The following PRKDC variants were observed in gnomAD, a reference collection of about 807,000 sequenced individuals.
The protein encoded by PRKDC is DNA-dependent protein kinase catalytic subunit.
A neutral mutation model predicts 486.9 loss-of-function variants in PRKDC; 82 were observed. The observed-to-expected ratio is 0.17, with a 90% CI of 0.14 to 0.20. The LOEUF (loss-of-function observed/expected upper bound fraction) is 0.20. Among genes scored for constraint, PRKDC ranks in the 10% least tolerant of loss-of-function variants. PRKDC has a pLI of 1.00. For synonymous variants in PRKDC, 1,895 were observed against 1,837.0 expected (o/e 1.03, Z -0.81); for missense variants, 4,504 against 5,038.2 (o/e 0.89, Z 3.21).
chr8:47,904,835 G>A (rs1459391921), intron 26 of PRKDC, 34 bp downstream of exon 26: 2 of 1,363,168 alleles, frequency 1.5e-6, no homozygotes, highest in Middle Eastern at 1.8e-4. Context: ...ACTAATCGAT[G>A]GGAGTAAGAG....
At chr8:47,810,323 T>A (rs960910219) in intron 68 of PRKDC, among the ~76,000 whole-genome samples, 1 of 152,278 alleles carries the variant, frequency 6.6e-6, no homozygotes, top group South Asian at 2.1e-4. Flanking sequence ...TATTATAGTA[T>A]ACTGTTTGAA....
At chr8:47,930,112 G>T in intron 17 of PRKDC, 100 bp from the exon 18 acceptor site, 1 of 1,028,988 alleles carries the variant, frequency 9.7e-7, no homozygotes, top group Non-Finnish European at 1.4e-6. Context: ...AACCCATCAC[G>T]TAACATTTTG....
intron 68 of PRKDC, among the ~76,000 whole-genome samples, chr8:47,814,093 C>T (rs1450462622): frequency 6.6e-6 from 1 of 152,118 alleles, no homozygotes; most frequent in African/African-American, 2.4e-5. Flanking sequence ...AGCATCAAAG[C>T]TAATACTTCA....
intron 31 of PRKDC, 38 bp downstream of exon 31, chr8:47,893,101 A>G: frequency 6.6e-7 from 1 of 1,517,956 alleles, no homozygotes; most frequent in East Asian, 2.4e-5. Context: ...TGACTCTGGC[A>G]GCACGACACA....
intron 10 of PRKDC, among the ~76,000 whole-genome samples, chr8:47,941,123 C>T (rs2090437551): frequency 6.8e-6 from 1 of 147,844 alleles, no homozygotes; most frequent in Non-Finnish European, 1.5e-5. Flanking sequence ...GAGCAAAACT[C>T]CATCTCAAAA....
rs2086842653 is a variant in PRKDC at position 47,789,153 on chromosome 8, T to C, written c.10756A>G (p.Lys3586Glu). Residue 3586 changes from lysine to glutamate, a missense_variant and splice_region_variant, in exon 75 of 86, where the codon AAG becomes GAG. Lys to Glu is a moderately conservative substitution (Grantham distance 56). Coordinates refer to ENST00000314191, the MANE Select transcript of PRKDC (RefSeq NM_006904.7). ...DQLSNPELLFKDWSNDVRAEL... is the reference protein window; with the variant it reads ...DQLSNPELLFEDWSNDVRAEL... ...GCCAGAAGCCGTTCTATCATTACCTTAAAGAGCAGTTCAGGATTAGAGAGC... is the reference window on the plus strand; with the variant it reads ...GCCAGAAGCCGTTCTATCATTACCTCAAAGAGCAGTTCAGGATTAGAGAGC... 1.9e-6 allele frequency: 3 copies of C among 1,613,098 alleles called. No individual in the cohort carries two copies. The highest frequency in any genetic ancestry group is 1.7e-5 in the Admixed American group (1 of 59,964).
intron 69 of PRKDC, among the ~76,000 whole-genome samples, chr8:47,805,340 G>A (rs1483463112): frequency 2.0e-5 from 3 of 152,160 alleles, no homozygotes; most frequent in Non-Finnish European, 2.9e-5. Context: ...GTGTGAAGCG[G>A]TCTCTCCTTG....
At position 47,852,743 on chromosome 8, in the gene PRKDC, T is replaced by C. The variant is rs1195060222; in HGVS notation, c.6935A>G (p.Tyr2312Cys). The C allele has an allele frequency of 1.9e-6, 3 of 1,578,818 alleles. No homozygotes were observed. Among genetic ancestry groups the C allele is most frequent in the Non-Finnish European group, 2.6e-6 (3 of 1,160,692 alleles). Reference sequence around the variant, plus strand: ...TGCTGCAGCGGCATACACTTCTTTATATCTTACAAAGGACATATTATTCAC... The same window carrying C: ...TGCTGCAGCGGCATACACTTCTTTACATCTTACAAAGGACATATTATTCAC... ...ALVNNMSFVR[Y>C]KEVYAAAAEV... Residue 2312 changes from tyrosine to cysteine, a missense_variant, in exon 52 of 86, where the codon TAT becomes TGT. Transcript: ENST00000314191.
At position 47,929,763 on chromosome 8, in the gene PRKDC, A is replaced by T; in HGVS notation, c.2052+90T>A. ...TAAAATTAGTAGACTTTAAAACTGC[A>T]TAGGCCACAATCACATATTTTATGA... On this transcript the variant is annotated intron_variant, in intron 18 of 85. Coordinates refer to ENST00000314191, the MANE Select transcript of PRKDC (RefSeq NM_006904.7). 3.0e-6 allele frequency: 4 copies of T among 1,324,660 alleles called. No individual in the cohort carries two copies. The South Asian group carries it at 6.4e-5, about 21-fold the overall frequency. The allele number at this position is 1,324,660 out of a possible 1,614,324, so 82.1% of individuals were successfully genotyped here. A position where few individuals can be genotyped will look rare whatever the true frequency, so the allele number is the denominator to read the frequency against.
At chr8:47,890,568 T>C in intron 31 of PRKDC, 88 bp from the exon 32 acceptor site, 1 of 998,148 alleles carries the variant, frequency 1.0e-6, no homozygotes, top group South Asian at 1.8e-5. Context: ...AGTATAGGCA[T>C]GGTATACGTT....
At chr8:47,831,616 G>A (rs1226148814) in intron 60 of PRKDC, among the ~76,000 whole-genome samples, 198 bp downstream of exon 60, 1 of 152,102 alleles carries the variant, frequency 6.6e-6, no homozygotes, top group African/African-American at 2.4e-5. Context: ...AGAACTGGGC[G>A]CACTCCTGGA....
intron 17 of PRKDC, 100 bp from the exon 18 acceptor site, chr8:47,930,112 G>A (rs1308336081): frequency 1.6e-5 from 16 of 1,028,872 alleles, no homozygotes; most frequent in Non-Finnish European, 2.0e-5. Flanking sequence ...AACCCATCAC[G>A]TAACATTTTG....
chr8:47,798,544 AC>A, intron 72 of PRKDC, 147 bp from the exon 73 acceptor site: 1 of 841,924 alleles, frequency 1.2e-6, no homozygotes, highest in Non-Finnish European at 1.7e-6. Context: ...ACCAACAAAC[AC>A]CAGGTACAGT....
At chr8:47,902,453 CCAG>C in intron 27 of PRKDC, 113 bp downstream of exon 27, 1 of 705,990 alleles carries the variant, frequency 1.4e-6, no homozygotes, top group Non-Finnish European at 2.1e-6. Flanking sequence ...AGCACAGCAT[CCAG>C]CACATAATTA....
At chr8:47,951,167 C>CT (rs2090619144) in intron 7 of PRKDC, among the ~76,000 whole-genome samples, 1 of 152,056 alleles carries the variant, frequency 6.6e-6, no homozygotes, top group African/African-American at 2.4e-5. Context: ...GGAGACCAGC[C>CT]TGGGCAACAT....
intron 25 of PRKDC, among the ~76,000 whole-genome samples, chr8:47,910,575 A>C (rs140053839): frequency 2.2e-3 from 328 of 152,244 alleles, no homozygotes; most frequent in African/African-American, 7.2e-3. Context: ...CATCTACTAC[A>C]CAAGACTCCC....
At chr8:47,892,548 C>T (rs914451841) in intron 31 of PRKDC, among the ~76,000 whole-genome samples, 1 of 152,102 alleles carries the variant, frequency 6.6e-6, no homozygotes, top group Non-Finnish European at 1.5e-5. Context: ...CCAGGCTGGT[C>T]TCAACCTCCT....
chr8:47,914,183 C>A (rs1274609876), intron 23 of PRKDC, 119 bp from the exon 24 acceptor site: 2 of 797,232 alleles, frequency 2.5e-6, no homozygotes, highest in South Asian at 5.5e-5. Flanking sequence ...AAGTGAAGCA[C>A]TTCATTCATC....
intron 1 of PRKDC, 27 bp downstream of exon 1, chr8:47,959,946 C>G: frequency 2.6e-6 from 4 of 1,531,416 alleles, no homozygotes; most frequent in Non-Finnish European, 3.5e-6. Context: ...AGGACCCACC[C>G]GCGGCCCAGC....
Sources: gnomAD v4.1 joint callset for allele counts (sites outside exome capture counted in the v4.1 genomes callset) on GRCh38, gnomAD v4.1.1 for gene constraint, MANE v1.5 for transcripts, NCBI Gene and HGNC (gene_info 2026-07-23, HGNC 2026-07-21) for gene names.